CNOT6: variants seen among roughly 807,000 people sequenced by gnomAD.
CNOT6 encodes CCR4-NOT transcription complex subunit 6.
CNOT6 carries 12 observed loss-of-function variants against 61.2 expected under a neutral mutation model. The observed-to-expected ratio is 0.20, with a 90% CI of 0.13 to 0.32. The LOEUF is 0.32. Ranked by LOEUF, CNOT6 falls within the 10% of genes least tolerant of loss-of-function variation. The pLI, the probability that CNOT6 is intolerant of heterozygous loss-of-function variation, is 1.00. For missense variants in CNOT6, 405 were observed against 663.9 expected (o/e 0.61, Z 4.28); for synonymous variants, 225 against 240.6 (o/e 0.94, Z 0.60).
rs60060866 is a variant in CNOT6 at position 180,533,901 on chromosome 5, TC to T, written c.112+4515del. On this transcript the variant is annotated intron_variant, in intron 2 of 11. Transcript: ENST00000261951. ...GGCCTGGACTCTGAAATCTAAGGCT[TC>T]CTCCTCCCTCACTTTATGGCTTAGG... Among the ~76,000 whole-genome samples the T allele has an allele frequency of 1.8e-3, 280 of 152,202 alleles. 4 individuals are homozygous for T. In the East Asian group the frequency reaches 0.043, roughly 23 times the overall value.
At chr5:180,527,211 C>T (rs1758139957) in intron 1 of CNOT6, among the ~76,000 whole-genome samples, 1 of 152,170 alleles carries the variant, frequency 6.6e-6, no homozygotes, top group Admixed American at 6.5e-5. Flanking sequence ...AGGTTTCTCT[C>T]ATTTTCAAAA....
At chr5:180,551,221 G>A (rs947008795) in intron 3 of CNOT6, among the ~76,000 whole-genome samples, 1 of 151,596 alleles carries the variant, frequency 6.6e-6, no homozygotes, top group African/African-American at 2.4e-5. Flanking sequence ...GCTGGGCTTC[G>A]TGGCATGCAC....
intron 1 of CNOT6, among the ~76,000 whole-genome samples, chr5:180,500,362 T>C (rs545245806): frequency 5.3e-5 from 8 of 152,224 alleles, no homozygotes; most frequent in African/African-American, 1.9e-4. Context: ...TCCTCCTGCC[T>C]CGGCCTCCCA....
At chr5:180,509,905 T>G (rs1757305023) in intron 1 of CNOT6, among the ~76,000 whole-genome samples, 1 of 151,174 alleles carries the variant, frequency 6.6e-6, no homozygotes, top group African/African-American at 2.4e-5. Context: ...CTTTGGGAGA[T>G]TATCACGGGG....
chr5:180,571,566 G>A (rs2127768137), intron 11 of CNOT6, 134 bp downstream of exon 11: 1 of 685,758 alleles, frequency 1.5e-6, no homozygotes, highest in Non-Finnish European at 2.5e-6. Context: ...TGACAGCAAT[G>A]TTCTTTGTTT....
intron 3 of CNOT6, among the ~76,000 whole-genome samples, chr5:180,552,605 C>CACT (rs1350988041): frequency 6.7e-6 from 1 of 149,752 alleles, no homozygotes; most frequent in Non-Finnish European, 1.5e-5. Flanking sequence ...GAGATCGCAT[C>CACT]ACTGCACTCC....
chr5:180,550,176 C>A (rs927251105), intron 3 of CNOT6, 59 bp downstream of exon 3: 1 of 1,369,426 alleles, frequency 7.3e-7, no homozygotes, highest in South Asian at 1.2e-5. Flanking sequence ...AAATATAGGC[C>A]GGGCGCAGTG....
At chr5:180,570,141 TGAG>T (rs1760671358) in intron 10 of CNOT6, among the ~76,000 whole-genome samples, 1 of 152,138 alleles carries the variant, frequency 6.6e-6, no homozygotes, top group South Asian at 2.1e-4. Flanking sequence ...GCAGATCAGT[TGAG>T]GCCAGCAGTT....
intron 3 of CNOT6, among the ~76,000 whole-genome samples, chr5:180,550,806 G>A (rs1052025405): frequency 6.6e-6 from 1 of 152,036 alleles, no homozygotes; most frequent in Non-Finnish European, 1.5e-5. Context: ...GCCATCCCAG[G>A]GCTTGTATGT....
At position 180,575,889 on chromosome 5, in the gene CNOT6, T is replaced by TA. The variant is rs1303008127; in HGVS notation, c.*1690dup. On this transcript the variant is annotated 3_prime_UTR_variant, in exon 12 of 12. Coordinates refer to ENST00000261951, the MANE Select transcript of CNOT6 (RefSeq NM_001370472.1). Reference sequence around the variant, plus strand: ...AATGAGTCATTTTGGAAATGATTCTTATGTTTTTTTTTTTTCTCCTTTTAG... The same window carrying TA: ...AATGAGTCATTTTGGAAATGATTCTTAATGTTTTTTTTTTTTCTCCTTTTAG... 5 of 146,102 alleles carry TA rather than the reference T, an allele frequency of 3.4e-5. No homozygotes were observed. The highest frequency in any genetic ancestry group is 2.7e-4 in the Admixed American group (4 of 14,744). 9.1% of individuals were successfully genotyped at this position (146,102 alleles called of 1,614,324 possible).
intron 2 of CNOT6, among the ~76,000 whole-genome samples, chr5:180,545,963 C>A (rs529453234): frequency 8.2e-4 from 125 of 152,224 alleles, no homozygotes; most frequent in African/African-American, 2.9e-3. Flanking sequence ...CTGTTTATAT[C>A]TTCTTTGGTG....
intron 4 of CNOT6, 147 bp downstream of exon 4, chr5:180,553,618 A>G: frequency 1.6e-6 from 1 of 621,368 alleles, no homozygotes; most frequent in East Asian, 2.8e-5. Flanking sequence ...CAATGGTTTT[A>G]TCTTCTCTGT....
rs138378919 is a variant in CNOT6, at chr5:180,569,272, G to C, written c.1190G>C (p.Ser397Thr). 1,207 of 1,614,158 alleles carry C rather than the reference G, an allele frequency of 7.5e-4. 11 individuals carry two copies. The highest frequency in any genetic ancestry group is 1.9e-3 in the Admixed American group (112 of 60,032). Residue 397 changes from serine to threonine, a missense_variant, in exon 10 of 12, where the codon AGT (serine) becomes ACT (threonine). Coordinates refer to ENST00000261951, the MANE Select transcript of CNOT6 (RefSeq NM_001370472.1). ...IDKASRNLKS[S>T]VLGEFGTIPL... ...AAAGCCTCTCGCAACCTCAAATCCAGTGTTTTGGGAGAATTTGGAACTATT... is the reference window on the plus strand; with the variant it reads ...AAAGCCTCTCGCAACCTCAAATCCACTGTTTTGGGAGAATTTGGAACTATT...
At chr5:180,550,174 G>A (rs1357515886) in intron 3 of CNOT6, 57 bp downstream of exon 3, 2 of 1,396,174 alleles carry the variant, frequency 1.4e-6, no homozygotes, top group African/African-American at 2.8e-5. Flanking sequence ...CAAAATATAG[G>A]CCGGGCGCAG....
At chr5:180,549,260 T>C (rs192810158) in intron 2 of CNOT6, among the ~76,000 whole-genome samples, 27 of 152,306 alleles carry the variant, frequency 1.8e-4, no homozygotes, top group Admixed American at 6.5e-4. Flanking sequence ...ATTTGTGTTA[T>C]TTTGCATAAG....
At chr5:180,495,218 C>T (rs10077152) in intron 1 of CNOT6, among the ~76,000 whole-genome samples, 4,346 of 152,308 alleles carry the variant, frequency 0.029, 210 homozygotes, top group African/African-American at 0.098. Flanking sequence ...CAACTGCTTA[C>T]CCCCTCCCCT....
chr5:180,555,934 C>T (rs1296847691), intron 4 of CNOT6, among the ~76,000 whole-genome samples: 1 of 152,084 alleles, frequency 6.6e-6, no homozygotes, highest in Non-Finnish European at 1.5e-5. Context: ...AAAATTGTGC[C>T]GCAGTACTAC....
chr5:180,500,568 GGGAC>G (rs2127689911), intron 1 of CNOT6, among the ~76,000 whole-genome samples: 1 of 151,958 alleles, frequency 6.6e-6, no homozygotes, highest in East Asian at 1.9e-4. Flanking sequence ...CTGAGTAGCT[GGGAC>G]TACAGGCACC....
At chr5:180,551,124 G>A (rs1423667069) in intron 3 of CNOT6, among the ~76,000 whole-genome samples, 1 of 151,778 alleles carries the variant, frequency 6.6e-6, no homozygotes, top group African/African-American at 2.4e-5. Context: ...CGGGCTGATT[G>A]CTTGAGCCCA....
Sources: allele counts gnomAD v4.1 joint callset (sites outside exome capture counted in the v4.1 genomes callset), GRCh38; gene constraint gnomAD v4.1.1; transcripts MANE v1.5; gene names NCBI Gene and HGNC (gene_info 2026-07-23, HGNC 2026-07-21).